Variants in MAML2 observed in about 807,000 individuals in gnomAD.
The protein encoded by MAML2 is mastermind like transcriptional coactivator 2.
Under a neutral mutation model 96.1 loss-of-function variants are expected in MAML2, and 22 were observed. The observed-to-expected ratio is 0.23, with a 90% CI of 0.16 to 0.33. The LOEUF is 0.33. Ranked by LOEUF, MAML2 falls within the 10% of genes least tolerant of loss-of-function variation. MAML2 has a pLI of 1.00. For synonymous variants in MAML2, 561 were observed against 521.3 expected (o/e 1.08, Z -1.04); for missense variants, 1,367 against 1,392.4 (o/e 0.98, Z 0.29).
At chr11:96,067,980 T>A (rs960895171) in intron 2 of MAML2, among the ~76,000 whole-genome samples, 2 of 152,174 alleles carry the variant, frequency 1.3e-5, no homozygotes, top group African/African-American at 2.4e-5. Context: ...CCAAATAAAT[T>A]GAAAATTTTT....
At chr11:96,301,503 T>A (rs1460982012) in intron 1 of MAML2, among the ~76,000 whole-genome samples, 1 of 152,196 alleles carries the variant, frequency 6.6e-6, no homozygotes, top group African/African-American at 2.4e-5. Flanking sequence ...CCGTCCCACA[T>A]ACAGACCCTG....
intron 1 of MAML2, among the ~76,000 whole-genome samples, chr11:96,219,340 C>T (rs1453516419): frequency 6.6e-6 from 1 of 152,176 alleles, no homozygotes; most frequent in East Asian, 1.9e-4. Context: ...TATAATTCCA[C>T]CTTGTTCAAG....
At chr11:96,107,623 G>A (rs1056839827) in intron 1 of MAML2, among the ~76,000 whole-genome samples, 6 of 152,196 alleles carry the variant, frequency 3.9e-5, no homozygotes, top group African/African-American at 7.2e-5. Context: ...CTCAGGAGGC[G>A]GGACTGGTTG....
At chr11:96,067,497 A>G (rs1859263546) in intron 2 of MAML2, among the ~76,000 whole-genome samples, 1 of 152,212 alleles carries the variant, frequency 6.6e-6, no homozygotes, top group Non-Finnish European at 1.5e-5. Flanking sequence ...AACCCTTTAA[A>G]ACACAAAGTT....
intron 1 of MAML2, among the ~76,000 whole-genome samples, chr11:96,278,187 T>C (rs4598633): frequency 0.38 from 58,091 of 151,976 alleles, 11,965 homozygotes; most frequent in East Asian, 0.54. Context: ...AGATAGCTCT[T>C]GGCTTTTCAA....
At chr11:96,075,228 T>A (rs906243619) in intron 2 of MAML2, among the ~76,000 whole-genome samples, 1 of 152,226 alleles carries the variant, frequency 6.6e-6, no homozygotes, top group Non-Finnish European at 1.5e-5. Flanking sequence ...TTATTGATAC[T>A]GTGCTATCCT....
intron 1 of MAML2, among the ~76,000 whole-genome samples, chr11:96,143,896 G>C (rs1860773002): frequency 6.6e-6 from 1 of 152,144 alleles, no homozygotes; most frequent in African/African-American, 2.4e-5. Flanking sequence ...GGTTTGTTTG[G>C]AATCAGATGT....
chr11:96,013,553 A>G (rs1410289511), intron 2 of MAML2, among the ~76,000 whole-genome samples: 1 of 152,140 alleles, frequency 6.6e-6, no homozygotes. Context: ...CAAATGTTGC[A>G]TTTCCCAAGA....
At chr11:96,089,704 G>T (rs1038609865) in intron 2 of MAML2, among the ~76,000 whole-genome samples, 2 of 151,988 alleles carry the variant, frequency 1.3e-5, no homozygotes, top group African/African-American at 4.8e-5. Flanking sequence ...CATGATTTTG[G>T]GATCATATGT....
intron 1 of MAML2, among the ~76,000 whole-genome samples, chr11:96,277,754 A>T (rs1863010055): frequency 6.6e-6 from 1 of 150,512 alleles, no homozygotes; most frequent in Non-Finnish European, 1.5e-5. Flanking sequence ...AAAAAAAAAA[A>T]TTAGAACTTT....
chr11:96,141,394 T>G (rs1389469278), intron 1 of MAML2, among the ~76,000 whole-genome samples: 2 of 152,142 alleles, frequency 1.3e-5, no homozygotes, highest in Non-Finnish European at 2.9e-5. Flanking sequence ...GAGCAAAAGA[T>G]TCCCTATGCA....
intron 2 of MAML2, among the ~76,000 whole-genome samples, chr11:96,037,188 T>TAAAA (rs200993531): frequency 3.4e-5 from 5 of 148,388 alleles, no homozygotes; most frequent in African/African-American, 1.2e-4. Context: ...AAATAAAAAA[T>TAAAA]AAAAAAACAA....
chr11:96,294,580 G>A (rs1475448777), intron 1 of MAML2, among the ~76,000 whole-genome samples: 2 of 152,210 alleles, frequency 1.3e-5, no homozygotes, highest in East Asian at 3.8e-4. Flanking sequence ...CTATTCTCAA[G>A]AGGCTCACTG....
chr11:96,341,524 T>C lies in MAML2; in HGVS notation c.372A>G (p.Pro124=), dbSNP rs1459746746. The change falls in exon 1 of 5, where the codon CCA becomes CCG. Residue 124 remains proline (P), a synonymous_variant. Transcript: ENST00000524717. ...AASQAAATAA[P]PPPPDYHHHH... ...GATGGTGATAGTCTGGTGGGGGCGG[T>C]GGGGCTGCTGTTGCTGCTGCTTGGG... The C allele has an allele frequency of 6.5e-7, 1 of 1,534,574 alleles. No homozygotes were observed. Among genetic ancestry groups the C allele is most frequent in the Non-Finnish European group, 8.8e-7 (1 of 1,141,212 alleles).
intron 2 of MAML2, among the ~76,000 whole-genome samples, chr11:96,036,839 C>T (rs1010732): frequency 9.7e-4 from 148 of 152,298 alleles, no homozygotes; most frequent in East Asian, 8.5e-3. Flanking sequence ...CTGCGGCTAA[C>T]TTAAACAAGA....
At chr11:96,258,625 A>T (rs1014876767) in intron 1 of MAML2, among the ~76,000 whole-genome samples, 2 of 152,220 alleles carry the variant, frequency 1.3e-5, no homozygotes, top group Admixed American at 1.3e-4. Context: ...TGGAGTAAAC[A>T]TCAAAGCCCA....
At chr11:96,095,945 A>T (rs992041556) in intron 1 of MAML2, among the ~76,000 whole-genome samples, 1 of 152,144 alleles carries the variant, frequency 6.6e-6, no homozygotes, top group Non-Finnish European at 1.5e-5. Flanking sequence ...TGGTGTAGAC[A>T]TCATCACAGA....
chr11:96,057,759 C>G (rs1455820730), intron 2 of MAML2, among the ~76,000 whole-genome samples: 1 of 152,212 alleles, frequency 6.6e-6, no homozygotes, highest in African/African-American at 2.4e-5. Context: ...GAACAGAAAT[C>G]TTCCTTAAAG....
At chr11:96,034,115 G>C (rs543413653) in intron 2 of MAML2, among the ~76,000 whole-genome samples, 1 of 152,166 alleles carries the variant, frequency 6.6e-6, no homozygotes, top group East Asian at 1.9e-4. Context: ...CTAAGTGGAA[G>C]CATTGAATCT....
Sources: gnomAD v4.1 joint callset for allele counts (sites outside exome capture counted in the v4.1 genomes callset) on GRCh38, gnomAD v4.1.1 for gene constraint, MANE v1.5 for transcripts, NCBI Gene and HGNC (gene_info 2026-07-23, HGNC 2026-07-21) for gene names.